Variants in LRRC7 observed in about 807,000 individuals in gnomAD.
LRRC7 encodes the protein leucine rich repeat containing 7, also known as leucine-rich repeat-containing protein 7.
A neutral mutation model predicts 175.7 loss-of-function variants in LRRC7; 23 were observed. The observed-to-expected ratio is 0.13, with a 90% confidence interval of 0.09 to 0.19. The LOEUF is 0.19. Among genes scored for constraint, LRRC7 ranks in the 10% least tolerant of loss-of-function variants. The pLI is 1.00. For missense variants in LRRC7, 1,354 were observed against 1,904.7 expected (o/e 0.71, Z 5.38); for synonymous variants, 685 against 680.9 (o/e 1.01, Z -0.09).
chr1:70,135,974 T>G lies in LRRC7; in HGVS notation c.*14087T>G, dbSNP rs1228369343. Among the ~76,000 whole-genome samples the G allele has an allele frequency of 2.0e-5, 3 of 152,130 alleles. No homozygotes were observed. Among genetic ancestry groups the G allele is most frequent in the Non-Finnish European group, 2.9e-5 (2 of 68,014 alleles). On this transcript the variant is annotated 3_prime_UTR_variant, in exon 27 of 27. Coordinates refer to ENST00000651989, the MANE Select transcript of LRRC7 (RefSeq NM_001370785.2). ...ATATTCTTTATAAAACCATGAATGT[T>G]GCTAGCAAACAGTTCAGGCATTTCT...
chr1:70,042,705 A>G (rs1486744531), intron 21 of LRRC7, among the ~76,000 whole-genome samples: 1 of 152,220 alleles, frequency 6.6e-6, no homozygotes, highest in Non-Finnish European at 1.5e-5. Flanking sequence ...GAGGAATTTT[A>G]AACCTTAAGG....
Position 69,725,836 on chromosome 1 carries a change from A to G in LRRC7, c.101-34355A>G, listed in dbSNP as rs138692221. Among the ~76,000 whole-genome samples the G allele has an allele frequency of 1.4e-3, 214 of 152,310 alleles. 3 individuals are homozygous for G. In the East Asian group the frequency reaches 0.029, roughly 21 times the overall value. ...TCTGGGGAGCCCCACATGACCCAGC[A>G]GCTTGGTTTCTGTGCCCTGAGTGTT... On this transcript the variant is annotated intron_variant, in intron 2 of 26. Transcript: ENST00000651989.
chr1:69,576,165 G>A (rs191562637), intron 1 of LRRC7, among the ~76,000 whole-genome samples: 137 of 151,014 alleles, frequency 9.1e-4, no homozygotes, highest in African/African-American at 3.2e-3. Context: ...TTAGGAGGCA[G>A]AGGTTGCAGT....
At chr1:69,733,520 T>C (rs1348414042) in intron 2 of LRRC7, among the ~76,000 whole-genome samples, 1 of 152,076 alleles carries the variant, frequency 6.6e-6, no homozygotes, top group Admixed American at 6.6e-5. Flanking sequence ...ACCTGATTCA[T>C]CTTTGTTAGC....
intron 1 of LRRC7, among the ~76,000 whole-genome samples, chr1:69,620,338 G>T (rs1650370180): frequency 2.0e-5 from 3 of 151,842 alleles, no homozygotes; most frequent in Admixed American, 2.0e-4. Context: ...TTAAAACAAA[G>T]CTCCTTGGGC....
intron 13 of LRRC7, among the ~76,000 whole-genome samples, chr1:70,015,722 A>G (rs1007070691): frequency 6.6e-6 from 1 of 152,192 alleles, no homozygotes; most frequent in African/African-American, 2.4e-5. Flanking sequence ...ACCAAGGCTA[A>G]TATCAAGTTA....
chr1:69,923,211 C>T (rs913424216), intron 7 of LRRC7, among the ~76,000 whole-genome samples: 7 of 152,164 alleles, frequency 4.6e-5, no homozygotes, highest in Admixed American at 2.0e-4. Context: ...TTAATCCGGT[C>T]TATCATTGTT....
chr1:69,947,658 T>C (rs1366977087), intron 8 of LRRC7, among the ~76,000 whole-genome samples: 1 of 152,060 alleles, frequency 6.6e-6, no homozygotes, highest in Non-Finnish European at 1.5e-5. Flanking sequence ...TTCATTTCTG[T>C]ACCAGGCTTA....
intron 7 of LRRC7, among the ~76,000 whole-genome samples, chr1:69,900,808 TA>T (rs914724328): frequency 6.6e-6 from 1 of 152,204 alleles, no homozygotes; most frequent in Non-Finnish European, 1.5e-5. Flanking sequence ...TGCATGTTTT[TA>T]ATCTGAGGAG....
At chr1:69,827,843 A>T (rs1473632822) in intron 5 of LRRC7, among the ~76,000 whole-genome samples, 4 of 152,122 alleles carry the variant, frequency 2.6e-5, no homozygotes, top group Admixed American at 6.6e-5. Context: ...TGTCTCAAAA[A>T]AATAAGATTA....
chr1:69,891,042 A>G (rs140030753), intron 7 of LRRC7, among the ~76,000 whole-genome samples: 273 of 152,346 alleles, frequency 1.8e-3, no homozygotes, highest in African/African-American at 6.2e-3. Flanking sequence ...CTTATCATTC[A>G]TGTATTCACT....
intron 1 of LRRC7, among the ~76,000 whole-genome samples, chr1:69,642,902 T>G (rs187280586): frequency 6.6e-6 from 1 of 152,156 alleles, no homozygotes; most frequent in Admixed American, 6.6e-5. Context: ...ATGGCTAATG[T>G]AATTATGAAG....
rs1486516375 is a variant in LRRC7, at chr1:69,879,233, AAAAG to A, written c.647+40952_647+40955del. Reference sequence around the variant, plus strand: ...GCTTTAAAAAAAAAAAAAAAAAAAAAAAAGACTGCGCACTGGCCAGAATATGCCT... The same window carrying A: ...GCTTTAAAAAAAAAAAAAAAAAAAAAACTGCGCACTGGCCAGAATATGCCT... On this transcript the variant is annotated intron_variant, in intron 7 of 26. Coordinates refer to ENST00000651989, the MANE Select transcript of LRRC7 (RefSeq NM_001370785.2). 2.7e-4 allele frequency among the ~76,000 whole-genome samples: 38 copies of A among 141,910 alleles called. 1 individual carries two copies. Among genetic ancestry groups the A allele is most frequent in the Non-Finnish European group, 3.7e-4 (23 of 62,346 alleles). 93.1% of individuals were successfully genotyped at this position (141,910 alleles called of 152,430 possible).
chr1:69,861,322 T>G (rs963072894), intron 7 of LRRC7, among the ~76,000 whole-genome samples: 1 of 152,196 alleles, frequency 6.6e-6, no homozygotes, highest in African/African-American at 2.4e-5. Flanking sequence ...TTAGATAAAT[T>G]CAGCAAATGG....
chr1:69,770,329 A>G (rs1008195512), intron 3 of LRRC7, among the ~76,000 whole-genome samples: 2 of 152,210 alleles, frequency 1.3e-5, no homozygotes, highest in Non-Finnish European at 2.9e-5. Context: ...CTTAAGATGT[A>G]TTAGTTCAAG....
At chr1:70,114,379 G>A (rs1665716206) in intron 26 of LRRC7, among the ~76,000 whole-genome samples, 1 of 152,094 alleles carries the variant, frequency 6.6e-6, no homozygotes, top group Non-Finnish European at 1.5e-5. Context: ...TAAAAACTAT[G>A]TTGATCAGGC....
chr1:69,800,717 A>G (rs914384342), intron 4 of LRRC7, among the ~76,000 whole-genome samples: 2 of 151,796 alleles, frequency 1.3e-5, no homozygotes, highest in African/African-American at 4.8e-5. Flanking sequence ...TTCCAGCTTG[A>G]ATGCTTTTTA....
chr1:69,929,055 C>A (rs981059101), intron 7 of LRRC7, among the ~76,000 whole-genome samples: 1 of 152,080 alleles, frequency 6.6e-6, no homozygotes, highest in African/African-American at 2.4e-5. Context: ...CTTATTTGTT[C>A]TTCATATCCA....
chr1:69,970,710 A>G (rs1035887061), intron 8 of LRRC7, among the ~76,000 whole-genome samples: 27 of 152,168 alleles, frequency 1.8e-4, no homozygotes, highest in African/African-American at 6.5e-4. Flanking sequence ...TCAAAGAAGA[A>G]TTGATGTCAA....
Sources: gnomAD v4.1 joint callset for allele counts (sites outside exome capture counted in the v4.1 genomes callset) on GRCh38, gnomAD v4.1.1 for gene constraint, MANE v1.5 for transcripts, NCBI Gene and HGNC (gene_info 2026-07-23, HGNC 2026-07-21) for gene names.